The following CHD9 variants were observed in gnomAD, a reference collection of about 807,000 sequenced individuals.
CHD9 encodes ATP-dependent chromatin remodeler CHD9.
A neutral mutation model predicts 316.1 loss-of-function variants in CHD9; 77 were observed. The observed-to-expected ratio is 0.24, with a 90% CI of 0.20 to 0.29. CHD9 has a LOEUF of 0.29. Among genes scored for constraint, CHD9 ranks in the 10% least tolerant of loss-of-function variants. The pLI, the probability that CHD9 is intolerant of heterozygous loss-of-function variation, is 1.00. For synonymous variants in CHD9, 1,129 were observed against 1,158.3 expected (o/e 0.97, Z 0.51); for missense variants, 2,763 against 3,438.1 (o/e 0.80, Z 4.91).
chr16:53,234,401 A>T (rs938517239), intron 10 of CHD9, among the ~76,000 whole-genome samples: 5 of 152,154 alleles, frequency 3.3e-5, no homozygotes, highest in Non-Finnish European at 5.9e-5. Flanking sequence ...TCCTTGCCTT[A>T]TTCCTGATCT....
rs545120878 is a variant in CHD9, at chr16:53,267,268, C to T, written c.4321-26C>T. On this transcript the variant is annotated intron_variant, in intron 20 of 38. Coordinates refer to ENST00000447540, the MANE Select transcript of CHD9 (RefSeq NM_001308319.2). ...GTAAGCAAAATCATAAAAGTACCTTCAGGTAATAGCAGTTCTGTTTTACAG... is the reference window on the plus strand; with the variant it reads ...GTAAGCAAAATCATAAAAGTACCTTTAGGTAATAGCAGTTCTGTTTTACAG... 18 of 1,478,766 alleles carry T rather than the reference C, an allele frequency of 1.2e-5. No individual in the cohort carries two copies. The African/African-American group carries it at 1.7e-4, about 14-fold the overall frequency. The allele number at this position is 1,478,766 out of a possible 1,614,324, so 91.6% of individuals were successfully genotyped here.
At chr16:53,166,209 G>C (rs2042258796) in intron 2 of CHD9, among the ~76,000 whole-genome samples, 1 of 152,126 alleles carries the variant, frequency 6.6e-6, no homozygotes, top group African/African-American at 2.4e-5. Flanking sequence ...AAACTATGTA[G>C]TATATTGTAG....
At chr16:53,057,265 A>G (rs759371712) in intron 1 of CHD9, among the ~76,000 whole-genome samples, 4 of 151,516 alleles carry the variant, frequency 2.6e-5, no homozygotes, top group Non-Finnish European at 4.4e-5. Context: ...TAGGAGTTTG[A>G]ATTTAGGAGT....
intron 34 of CHD9, among the ~76,000 whole-genome samples, chr16:53,312,589 T>A (rs1298065331): frequency 6.6e-6 from 1 of 152,162 alleles, no homozygotes; most frequent in Non-Finnish European, 1.5e-5. Context: ...CTGGGACAGA[T>A]GTGTAGATCA....
At position 53,255,740 on chromosome 16, in the gene CHD9, T is replaced by A; in HGVS notation, c.4170T>A (p.Ile1390=). Residue 1390 remains isoleucine (I), a synonymous_variant, in exon 19 of 39, where the codon ATT becomes ATA. Transcript: ENST00000447540. The stretch of plus-strand genomic sequence containing the variant: ...TTTTACTACGTCGTACAAAAACTAT[T>A]ACAATTGAATCAGAAGGACGTGGGT... The part of the protein sequence containing the change: ...DQILLRRTKT[I]TIESEGRGST... 1 of 1,613,848 alleles carries A rather than the reference T, an allele frequency of 6.2e-7. No homozygotes were observed. The highest frequency in any genetic ancestry group is 8.5e-7 in the Non-Finnish European group (1 of 1,179,808).
At chr16:53,263,636 A>G (rs965491947) in intron 20 of CHD9, among the ~76,000 whole-genome samples, 2 of 152,138 alleles carry the variant, frequency 1.3e-5, no homozygotes, top group African/African-American at 4.8e-5. Context: ...AGTGTTTTTC[A>G]GTCTTACCAA....
chr16:53,303,725 G>T lies in CHD9; in HGVS notation c.5719G>T (p.Val1907Leu). The change falls in exon 31 of 39, where the codon GTG becomes TTG. Residue 1907 changes from valine to leucine, a missense_variant. Physicochemically the swap from Val to Leu is conservative, Grantham distance 32. Coordinates refer to ENST00000447540, the MANE Select transcript of CHD9 (RefSeq NM_001308319.2). Reference sequence around the variant, plus strand: ...GTCCTTGTTTCAATATGTAGAATTGGTGGATCCAAATATTTTTATCCAGCC... The same window carrying T: ...GTCCTTGTTTCAATATGTAGAATTGTTGGATCCAAATATTTTTATCCAGCC... ...VCRLPSKEELVDPNIFIQPIT... is the reference protein window; with the variant it reads ...VCRLPSKEELLDPNIFIQPIT... The T allele has an allele frequency of 6.3e-7, 1 of 1,591,270 alleles. No individual in the cohort carries two copies. The highest frequency in any genetic ancestry group is 2.2e-5 in the East Asian group (1 of 44,490).
intron 1 of CHD9, among the ~76,000 whole-genome samples, chr16:53,103,907 T>C (rs2037100885): frequency 6.6e-6 from 1 of 152,206 alleles, no homozygotes; most frequent in Non-Finnish European, 1.5e-5. Flanking sequence ...AGCTTGTATA[T>C]GAAAAGGGCT....
chr16:53,140,497 C>A (rs971068948), intron 1 of CHD9, among the ~76,000 whole-genome samples: 1 of 151,884 alleles, frequency 6.6e-6, no homozygotes. Flanking sequence ...AACAACTAGA[C>A]CTGACTCAGT....
chr16:53,056,323 G>A (rs745930766), intron 1 of CHD9, among the ~76,000 whole-genome samples: 1 of 152,176 alleles, frequency 6.6e-6, no homozygotes, highest in Non-Finnish European at 1.5e-5. Flanking sequence ...TGCAAAATGG[G>A]TGTGAAAATC....
At chr16:53,086,428 G>A (rs117599701) in intron 1 of CHD9, among the ~76,000 whole-genome samples, 2,794 of 152,272 alleles carry the variant, frequency 0.018, 34 homozygotes, top group Middle Eastern at 0.051. Flanking sequence ...GGCTCACTGG[G>A]TAACTGTCCC....
intron 2 of CHD9, chr16:53,207,850 TGAGA>T (rs2152865762): frequency 6.4e-6 from 1 of 156,884 alleles, no homozygotes; most frequent in African/African-American, 2.4e-5. Flanking sequence ...AATGGCAGAG[TGAGA>T]GTTAATGTGT....
At chr16:53,296,538 T>C (rs2153063720) in intron 29 of CHD9, among the ~76,000 whole-genome samples, 1 of 148,360 alleles carries the variant, frequency 6.7e-6, no homozygotes, top group East Asian at 2.0e-4. Flanking sequence ...CCTCCTGGGT[T>C]CACGCCATTC....
At chr16:53,130,466 G>C (rs1327921066) in intron 1 of CHD9, among the ~76,000 whole-genome samples, 1 of 150,718 alleles carries the variant, frequency 6.6e-6, no homozygotes, top group Non-Finnish European at 1.5e-5. Flanking sequence ...GGGGCCTGAC[G>C]TGGCGGCGGG....
intron 34 of CHD9, chr16:53,312,120 C>T (rs1040742767): frequency 6.6e-6 from 1 of 151,998 alleles, no homozygotes; most frequent in Non-Finnish European, 1.5e-5. Flanking sequence ...TGTAAATGTA[C>T]ACAGTATTGT....
intron 1 of CHD9, among the ~76,000 whole-genome samples, chr16:53,055,935 C>T (rs2032053277): frequency 6.6e-6 from 1 of 152,194 alleles, no homozygotes; most frequent in Admixed American, 6.5e-5. Flanking sequence ...GATCAGGAGA[C>T]TGGCTGGAGC....
intron 11 of CHD9, among the ~76,000 whole-genome samples, chr16:53,236,519 T>A (rs2048634978): frequency 6.6e-6 from 1 of 151,954 alleles, no homozygotes; most frequent in South Asian, 2.1e-4. Flanking sequence ...ACTATTGCCA[T>A]CCCTTCAGTC....
At chr16:53,101,140 A>C (rs1423675118) in intron 1 of CHD9, among the ~76,000 whole-genome samples, 2 of 152,198 alleles carry the variant, frequency 1.3e-5, no homozygotes, top group Non-Finnish European at 2.9e-5. Context: ...TAGCTTGTTT[A>C]CACATTACCG....
At chr16:53,262,696 AC>A (rs1203614113) in intron 19 of CHD9, among the ~76,000 whole-genome samples, 1 of 152,118 alleles carries the variant, frequency 6.6e-6, no homozygotes, top group Non-Finnish European at 1.5e-5. Context: ...TAGAAACCAT[AC>A]CCCCATTCTC....
Sources: gnomAD v4.1 joint callset for allele counts (sites outside exome capture counted in the v4.1 genomes callset) on GRCh38, gnomAD v4.1.1 for gene constraint, MANE v1.5 for transcripts, NCBI Gene and HGNC (gene_info 2026-07-23, HGNC 2026-07-21) for gene names.